Variants in TRIO observed in about 807,000 individuals in gnomAD.
The protein encoded by TRIO is triple functional domain protein.
A neutral mutation model predicts 351.9 loss-of-function variants in TRIO; 58 were observed. That is an observed-to-expected ratio of 0.16 (90% CI 0.13 to 0.21). The LOEUF (loss-of-function observed/expected upper bound fraction) is 0.21, where lower values mean the gene tolerates loss of function less well. TRIO is among the 10% of genes least tolerant of loss of function. The pLI, the probability that TRIO is intolerant of heterozygous loss-of-function variation, is 1.00. For missense variants in TRIO, 3,201 were observed against 4,027.8 expected (o/e 0.79, Z 5.56); for synonymous variants, 1,758 against 1,595.7 (o/e 1.10, Z -2.42).
At chr5:14,366,811 G>C in intron 15 of TRIO, 49 bp from the exon 16 acceptor site, 5 of 1,611,564 alleles carry the variant, frequency 3.1e-6, no homozygotes, top group Non-Finnish European at 4.2e-6. Flanking sequence ...TGGTCCACAG[G>C]ATTCTCTGGG....
chr5:14,436,293 C>T (rs767611943), intron 34 of TRIO, among the ~76,000 whole-genome samples: 2 of 152,094 alleles, frequency 1.3e-5, no homozygotes, highest in African/African-American at 2.4e-5. Flanking sequence ...TTTGTAAAAC[C>T]GTCAGGTCTT....
chr5:14,145,569 G>T (rs1787464473), intron 1 of TRIO, among the ~76,000 whole-genome samples: 1 of 151,876 alleles, frequency 6.6e-6, no homozygotes, highest in Non-Finnish European at 1.5e-5. Context: ...AGCAGAACTG[G>T]GACGTATTCC....
At chr5:14,236,156 T>C (rs762111977) in intron 1 of TRIO, among the ~76,000 whole-genome samples, 11 of 152,158 alleles carry the variant, frequency 7.2e-5, no homozygotes, top group Non-Finnish European at 1.2e-4. Context: ...CCTGTGAGGA[T>C]GCAGTAAAAT....
In TRIO at chr5:14,263,249, T is replaced by C. The variant is rs532202127; in HGVS notation, c.158-7576T>C. On this transcript the variant is annotated intron_variant, in intron 1 of 56. Coordinates refer to ENST00000344204, the MANE Select transcript of TRIO (RefSeq NM_007118.4). ...AACAAAGGCTCTAGATTACACTTTG[T>C]ATATGAGCACCCCCAACTCCATGCA... 1.3e-4 allele frequency among the ~76,000 whole-genome samples: 20 copies of C among 152,312 alleles called. 1 individual carries two copies. The highest frequency in any genetic ancestry group is 4.8e-4 in the African/African-American group (20 of 41,560).
At chr5:14,206,486 C>A (rs1026151171) in intron 1 of TRIO, among the ~76,000 whole-genome samples, 5 of 152,206 alleles carry the variant, frequency 3.3e-5, no homozygotes, top group African/African-American at 1.2e-4. Flanking sequence ...TGGTCAGATT[C>A]TCCGGATGTT....
chr5:14,311,231 C>T (rs1009905703), intron 8 of TRIO, among the ~76,000 whole-genome samples: 2 of 152,248 alleles, frequency 1.3e-5, no homozygotes, highest in East Asian at 1.9e-4. Context: ...CTCACGCCAA[C>T]TGGGCTGCTC....
intron 11 of TRIO, among the ~76,000 whole-genome samples, chr5:14,350,196 G>T (rs762842084): frequency 2.4e-4 from 37 of 152,136 alleles, no homozygotes; most frequent in Admixed American, 4.6e-4. Flanking sequence ...AGGCAGGCAG[G>T]CTGTGAGAAC....
chr5:14,366,225 TA>T (rs1744578703), intron 15 of TRIO, among the ~76,000 whole-genome samples: 1 of 152,008 alleles, frequency 6.6e-6, no homozygotes, highest in Non-Finnish European at 1.5e-5. Context: ...GGGCAATAGG[TA>T]TTATATAGGT....
intron 18 of TRIO, among the ~76,000 whole-genome samples, chr5:14,372,402 A>G (rs1273882159): frequency 6.6e-6 from 1 of 152,134 alleles, no homozygotes; most frequent in Non-Finnish European, 1.5e-5. Flanking sequence ...CAGTGGTTCA[A>G]GTACGGTCAG....
chr5:14,213,195 A>C (rs1792016567), intron 1 of TRIO, among the ~76,000 whole-genome samples: 1 of 152,040 alleles, frequency 6.6e-6, no homozygotes. Context: ...AGGAGAAGGA[A>C]AGTACAATTT....
intron 30 of TRIO, 28 bp from the exon 31 acceptor site, chr5:14,400,935 C>T: frequency 6.2e-7 from 1 of 1,604,754 alleles, no homozygotes. Flanking sequence ...TTACTGTCAC[C>T]TAATTATATA....
At chr5:14,330,966 T>G in intron 10 of TRIO, 66 bp downstream of exon 10, 1 of 1,598,898 alleles carries the variant, frequency 6.3e-7, no homozygotes, top group Non-Finnish European at 8.5e-7. Flanking sequence ...GATTACAGTT[T>G]TAACCACATT....
intron 1 of TRIO, among the ~76,000 whole-genome samples, chr5:14,230,340 TTGTGTGTGTGTGTGTGTG>T (rs59717445): frequency 1.3e-5 from 2 of 149,016 alleles, no homozygotes; most frequent in African/African-American, 2.5e-5. Context: ...GGCAAGATGT[TTGTGTGTGTGTGTGTGTG>T]TGTGTGTGTG....
chr5:14,345,207 C>T (rs1377358924), intron 11 of TRIO, among the ~76,000 whole-genome samples: 3 of 152,010 alleles, frequency 2.0e-5, no homozygotes, highest in Admixed American at 6.5e-5. Context: ...AGTTTTATGC[C>T]AACAGAGAGC....
rs552719689 is a variant in TRIO at position 14,254,148 on chromosome 5, G to A, written c.158-16677G>A. On this transcript the variant is annotated intron_variant, in intron 1 of 56. Transcript: ENST00000344204. Reference sequence around the variant, plus strand: ...AAAGTAAGTAATAAATAGAACCCACGTAATGCAGAAGCTCCTTGGAGTCCT... The same window carrying A: ...AAAGTAAGTAATAAATAGAACCCACATAATGCAGAAGCTCCTTGGAGTCCT... 5.9e-5 allele frequency among the ~76,000 whole-genome samples: 9 copies of A among 152,176 alleles called. No homozygotes were observed. The South Asian group carries it at 8.3e-4, about 14-fold the overall frequency.
chr5:14,180,823 T>A (rs1166366902), intron 1 of TRIO, among the ~76,000 whole-genome samples: 1 of 148,870 alleles, frequency 6.7e-6, no homozygotes, highest in Non-Finnish European at 1.5e-5. Context: ...GAGTGAGTGG[T>A]CCCATGTCCC....
intron 18 of TRIO, 50 bp downstream of exon 18, chr5:14,369,573 C>T (rs1372660136): frequency 6.4e-7 from 1 of 1,553,562 alleles, no homozygotes; most frequent in African/African-American, 1.4e-5. Context: ...TTCCTGCCTG[C>T]CAGGTGCGCG....
chr5:14,369,237 G>T, intron 17 of TRIO, 137 bp from the exon 18 acceptor site: 1 of 1,272,656 alleles, frequency 7.9e-7, no homozygotes. Flanking sequence ...GCCAGGTGGA[G>T]CCCATGGCTC....
chr5:14,183,615 A>G (rs149964498), intron 1 of TRIO, among the ~76,000 whole-genome samples: 271 of 152,276 alleles, frequency 1.8e-3, no homozygotes, highest in African/African-American at 6.3e-3. Flanking sequence ...AAAACAGAAA[A>G]GAATTTAACA....
Sources: gnomAD v4.1 joint callset for allele counts (sites outside exome capture counted in the v4.1 genomes callset) on GRCh38, gnomAD v4.1.1 for gene constraint, MANE v1.5 for transcripts, NCBI Gene and HGNC (gene_info 2026-07-23, HGNC 2026-07-21) for gene names.